Variants in RGL1 observed in about 807,000 individuals in gnomAD.
RGL1 encodes the protein ral guanine nucleotide dissociation stimulator like 1.
In RGL1, 24 loss-of-function variants were observed where a neutral mutation model predicts 95.2. The observed-to-expected ratio is 0.25, with a 90% confidence interval of 0.18 to 0.35. The LOEUF (loss-of-function observed/expected upper bound fraction) is 0.35. RGL1 is among the 10% of genes least tolerant of loss of function. The probability of loss-of-function intolerance (pLI) is 1.00; values close to 1 mark genes in which losing one functional copy is unlikely to be tolerated. For synonymous variants in RGL1, 329 were observed against 344.9 expected, an observed-to-expected ratio of 0.95 and a Z score of 0.51; for missense variants, 715 against 936.3, an observed-to-expected ratio of 0.76 and a Z score of 3.08.
At chr1:183,846,401 G>T (rs1664435842) in intron 2 of RGL1, among the ~76,000 whole-genome samples, 1 of 151,942 alleles carries the variant, frequency 6.6e-6, no homozygotes. Context: ...CGGGGGTGGG[G>T]TGACAGACTA....
chr1:183,727,863 G>A (rs935821986), intron 1 of RGL1, among the ~76,000 whole-genome samples: 1 of 152,160 alleles, frequency 6.6e-6, no homozygotes, highest in Non-Finnish European at 1.5e-5. Context: ...CATGAAATAC[G>A]TGAGTATGAT....
intron 12 of RGL1, among the ~76,000 whole-genome samples, chr1:183,904,335 A>G (rs1668194867): frequency 6.6e-6 from 1 of 152,238 alleles, no homozygotes. Flanking sequence ...AGGACTGTTT[A>G]GATACTCAGC....
intron 1 of RGL1, among the ~76,000 whole-genome samples, chr1:183,687,441 A>G (rs1653665064): frequency 6.6e-6 from 1 of 152,226 alleles, no homozygotes; most frequent in African/African-American, 2.4e-5. Flanking sequence ...CGTTGAAAGA[A>G]CTGAAAAACT....
intron 13 of RGL1, among the ~76,000 whole-genome samples, chr1:183,905,434 T>TGAAA (rs2102710035): frequency 6.6e-6 from 1 of 152,252 alleles, no homozygotes; most frequent in Non-Finnish European, 1.5e-5. Flanking sequence ...GTAACTACAT[T>TGAAA]CCTACAAAAC....
At chr1:183,786,133 G>T (rs1005402533) in intron 2 of RGL1, among the ~76,000 whole-genome samples, 33 of 151,874 alleles carry the variant, frequency 2.2e-4, no homozygotes, top group Admixed American at 2.0e-3. Context: ...TAGGCACAGT[G>T]GCTCACACCT....
chr1:183,682,920 T>C (rs1653320682), intron 1 of RGL1, among the ~76,000 whole-genome samples: 1 of 152,232 alleles, frequency 6.6e-6, no homozygotes, highest in Non-Finnish European at 1.5e-5. Context: ...TATTATAATG[T>C]AATGCCCTTC....
chr1:183,926,044 G>A (rs4328036), intron 17 of RGL1, 61 bp from the exon 18 acceptor site: 816,589 of 1,437,732 alleles, frequency 0.57, 233,082 homozygotes, highest in African/African-American at 0.58. Flanking sequence ...TACAGCTGCC[G>A]TTGTCAGTAC....
intron 2 of RGL1, among the ~76,000 whole-genome samples, chr1:183,811,019 A>G (rs1002872428): frequency 3.3e-5 from 5 of 152,214 alleles, no homozygotes; most frequent in African/African-American, 1.2e-4. Context: ...GTCATGCCTC[A>G]TCCTTCTTTG....
intron 1 of RGL1, chr1:183,648,556 CAGA>C: frequency 6.2e-6 from 10 of 1,614,124 alleles, no homozygotes; most frequent in Non-Finnish European, 8.5e-6. Flanking sequence ...ACCAGGCTAC[CAGA>C]AGAAGTTTTT....
intron 1 of RGL1, among the ~76,000 whole-genome samples, chr1:183,720,330 T>C (rs1448532945): frequency 1.3e-5 from 2 of 152,222 alleles, no homozygotes; most frequent in African/African-American, 2.4e-5. Flanking sequence ...CGGCCAATCC[T>C]TTGCCTCTGG....
rs1668993976 is a variant in RGL1 at position 183,916,613 on chromosome 1, C to T, written c.1916C>T (p.Pro639Leu). ...ACGTCCATTACCTCGACTGTGCTGC[C>T]TCCTGTTTACAACCAACAGAATGAA... ...SVTSITSTVLPPVYNQQNEDT... is the reference protein window; with the variant it reads ...SVTSITSTVLLPVYNQQNEDT... The change falls in exon 16 of 18, where the codon CCT becomes CTT. Residue 639 changes from proline to leucine, a missense_variant. Physicochemically the swap from Pro to Leu is moderately conservative, Grantham distance 98. This residue lies in a region of RGL1 where 330 missense variants were observed against 429.6 expected (regional missense o/e 0.77). Transcript: ENST00000360851. 6.2e-7 allele frequency: 1 copy of T among 1,613,994 alleles called. No individual in the cohort carries two copies. The highest frequency in any genetic ancestry group is 8.5e-7 in the Non-Finnish European group (1 of 1,179,994).
At chr1:183,834,170 C>T (rs1434661740) in intron 2 of RGL1, among the ~76,000 whole-genome samples, 1 of 152,064 alleles carries the variant, frequency 6.6e-6, no homozygotes, top group Non-Finnish European at 1.5e-5. Flanking sequence ...TGTTGTATCT[C>T]TGGCTTCCAG....
chr1:183,779,356 C>A (rs1219926850), intron 2 of RGL1, among the ~76,000 whole-genome samples: 1 of 152,028 alleles, frequency 6.6e-6, no homozygotes, highest in East Asian at 1.9e-4. Flanking sequence ...TCAAGAAATT[C>A]TCCTGCCTCA....
At chr1:183,847,419 C>A in intron 2 of RGL1, 147 bp from the exon 3 acceptor site, 1 of 719,440 alleles carries the variant, frequency 1.4e-6, no homozygotes, top group Non-Finnish European at 2.3e-6. Context: ...CACACCACTG[C>A]TCTCCAGCCT....
chr1:183,806,456 G>T lies in RGL1; in HGVS notation c.109G>T (p.Ala37Ser). The change falls in exon 2 of 18, where the codon GCT (alanine) becomes TCT (serine). Residue 37 changes from alanine to serine, a missense_variant. This residue lies in a region of RGL1 where 381 missense variants were observed against 484.8 expected (regional missense o/e 0.79). Transcript: ENST00000360851. The part of the protein sequence containing the change: ...VTLKRVQIQQ[A>S]ANKGARWLGV... ...CCTCAAAAGAGTCCAGATTCAACAG[G>T]CTGCCAATAAAGGAGCAAGATGGCT... 6.2e-7 allele frequency: 1 copy of T among 1,613,988 alleles called. No individual in the cohort carries two copies. Among genetic ancestry groups the T allele is most frequent in the South Asian group, 1.1e-5 (1 of 91,078 alleles).
chr1:183,773,150 G>A (rs1197129807), intron 2 of RGL1, among the ~76,000 whole-genome samples: 1 of 150,410 alleles, frequency 6.6e-6, no homozygotes, highest in Non-Finnish European at 1.5e-5. Context: ...AATTTTCCCT[G>A]ATCTCTCTGC....
At chr1:183,718,527 C>G (rs1236092306) in intron 1 of RGL1, among the ~76,000 whole-genome samples, 2 of 152,164 alleles carry the variant, frequency 1.3e-5, no homozygotes, top group Non-Finnish European at 2.9e-5. Flanking sequence ...TTCAAAACCA[C>G]TGGCATAGTA....
At chr1:183,793,179 A>G (rs988144984) in intron 2 of RGL1, among the ~76,000 whole-genome samples, 9 of 152,160 alleles carry the variant, frequency 5.9e-5, no homozygotes, top group Non-Finnish European at 1.3e-4. Flanking sequence ...CAAAGAACAT[A>G]CAATGGGGAA....
chr1:183,647,670 T>C (rs10911389), intron 1 of RGL1: 59,630 of 1,586,634 alleles, frequency 0.038, 1,969 homozygotes, highest in African/African-American at 0.16. Context: ...GCTGTAGGAA[T>C]GTAGATTTTA....
Sources: allele counts gnomAD v4.1 joint callset (sites outside exome capture counted in the v4.1 genomes callset), GRCh38; gene constraint gnomAD v4.1.1; regional missense constraint gnomAD v4.1.1; transcripts MANE v1.5; gene names NCBI Gene and HGNC (gene_info 2026-07-23, HGNC 2026-07-21).